The following ABCC12 variants were observed in gnomAD, a reference collection of about 807,000 sequenced individuals.
The protein encoded by ABCC12 is ATP binding cassette subfamily C member 12, also known as ATP-binding cassette sub-family C member 12.
A neutral mutation model predicts 151.1 loss-of-function variants in ABCC12; 142 were observed. That is an observed-to-expected ratio of 0.94 (90% confidence interval 0.82 to 1.08). The LOEUF (loss-of-function observed/expected upper bound fraction) is 1.08. Ranked by LOEUF, ABCC12 falls within the 50% of genes least tolerant of loss-of-function variation. The pLI is 0.00. For synonymous variants in ABCC12, 645 were observed against 646.4 expected, an observed-to-expected ratio of 1.00 and a Z score of 0.03; for missense variants, 1,638 against 1,691.1, an observed-to-expected ratio of 0.97 and a Z score of 0.55.
At chr16:48,096,128 G>T (rs543668108) in intron 24 of ABCC12, among the ~76,000 whole-genome samples, 1 of 152,054 alleles carries the variant, frequency 6.6e-6, no homozygotes, top group African/African-American at 2.4e-5. Context: ...AATCAATGCC[G>T]TATGTTCACC....
Position 48,107,355 on chromosome 16 carries a change from C to T in ABCC12, c.2442G>A (p.Trp814Ter), listed in dbSNP as rs1420297885. ...CCTTGTCCAACCAGAGACCCAGCCA[C>T]CAGTTGCTGAAGGCAGCGCTGCCAA... is the stretch of plus-strand genomic sequence containing the variant. ...LMIGSAAFSN[W>*]WLGLWLDKGS... The change falls in exon 20 of 31, where the codon TGG becomes TGA. Residue 814 changes from tryptophan to a stop codon, truncating the protein, a stop_gained. Transcript: ENST00000311303. LOFTEE classifies it high-confidence loss of function. 2.5e-6 allele frequency: 4 copies of T among 1,614,146 alleles called. No individual in the cohort carries two copies. The highest frequency in any genetic ancestry group is 2.2e-5 in the East Asian group (1 of 44,864).
chr16:48,140,028 C>CT (rs1046319456), intron 6 of ABCC12, among the ~76,000 whole-genome samples: 2 of 152,082 alleles, frequency 1.3e-5, no homozygotes, highest in South Asian at 2.1e-4. Flanking sequence ...AAATTAATTA[C>CT]TTTTTTTTAA....
chr16:48,148,485 C>A (rs376923643), intron 2 of ABCC12, among the ~76,000 whole-genome samples: 2 of 151,478 alleles, frequency 1.3e-5, no homozygotes, highest in African/African-American at 4.8e-5. Flanking sequence ...AATCTGCCTG[C>A]TTCAGCCTCC....
chr16:48,088,380 A>G (rs898180133), intron 26 of ABCC12, among the ~76,000 whole-genome samples, 165 bp downstream of exon 26: 1 of 152,202 alleles, frequency 6.6e-6, no homozygotes, highest in Non-Finnish European at 1.5e-5. Flanking sequence ...CCATCTCTAC[A>G]CACCCATTCA....
rs992879274 is a variant in ABCC12, at chr16:48,082,878, T to A, written c.*837A>T. The A allele has an allele frequency of 3.3e-5, 5 of 152,232 alleles. No individual in the cohort carries two copies. In the East Asian group the frequency reaches 9.6e-4, roughly 29 times the overall value. The allele number at this position is 152,232 out of a possible 1,614,324, so 9.4% of individuals were successfully genotyped here. ...CACTCCTGGGGCTGCTGGGAATACA[T>A]CTTTACTGCTTCCATCAGAACCAGC... On this transcript the variant is annotated 3_prime_UTR_variant, in exon 31 of 31. Coordinates refer to ENST00000311303, the MANE Select transcript of ABCC12 (RefSeq NM_001393797.1).
intron 15 of ABCC12, 68 bp from the exon 16 acceptor site, chr16:48,111,978 AACCTTAGTTACC>A (rs1248143845): frequency 2.6e-6 from 4 of 1,558,398 alleles, no homozygotes; most frequent in Non-Finnish European, 3.5e-6. Context: ...ACTCCTCTCC[AACCTTAGTTACC>A]ACTGTTGACT....
intron 24 of ABCC12, among the ~76,000 whole-genome samples, chr16:48,092,929 G>C (rs937256926): frequency 6.6e-6 from 1 of 152,202 alleles, no homozygotes; most frequent in Non-Finnish European, 1.5e-5. Context: ...GCAGGCGCGT[G>C]ACGTGGAGAA....
At chr16:48,124,164 C>A (rs774852227) in intron 12 of ABCC12, 49 bp downstream of exon 12, 16 of 1,586,910 alleles carry the variant, frequency 1.0e-5, no homozygotes, top group Non-Finnish European at 1.4e-5. Flanking sequence ...GGAGCCATTT[C>A]ATTGTCATGT....
At chr16:48,093,542 T>G (rs1282320033) in intron 24 of ABCC12, among the ~76,000 whole-genome samples, 2 of 152,198 alleles carry the variant, frequency 1.3e-5, no homozygotes, top group Non-Finnish European at 2.9e-5. Context: ...TTAAACACCT[T>G]CTGAGCTTCT....
At chr16:48,144,105 G>T (rs775909620) in intron 3 of ABCC12, 40 bp from the exon 4 acceptor site, 2 of 1,583,904 alleles carry the variant, frequency 1.3e-6, no homozygotes, top group Non-Finnish European at 1.7e-6. Context: ...AGGCACTGGG[G>T]TCATTGCCCC....
At chr16:48,104,995 G>C in intron 21 of ABCC12, 144 bp downstream of exon 21, 1 of 892,884 alleles carries the variant, frequency 1.1e-6, no homozygotes, top group Non-Finnish European at 1.7e-6. Flanking sequence ...TAGCTATTTG[G>C]GAGACTCTTC....
rs148168739 is a variant in ABCC12, at chr16:48,083,787, G to A, written c.4008C>T (p.Asp1336=). Residue 1336 remains aspartate, a synonymous_variant, in exon 31 of 31, where the codon GAC becomes GAT. Coordinates refer to ENST00000311303, the MANE Select transcript of ABCC12 (RefSeq NM_001393797.1). ...VMENGKVIEF[D]KPEVLAEKPD... is the part of the protein sequence containing the mutation. The stretch of plus-strand genomic sequence containing the variant: ...GCTTCTCTGCAAGGACTTCAGGCTT[G>A]TCAAACTCAATCACCTGAAAGTCAG... 14 of 1,614,070 alleles carry A rather than the reference G, an allele frequency of 8.7e-6. No homozygotes were observed. The African/African-American group carries it at 1.9e-4, about 22-fold the overall frequency.
chr16:48,095,758 G>A (rs1420122799), intron 24 of ABCC12, among the ~76,000 whole-genome samples: 2 of 150,558 alleles, frequency 1.3e-5, no homozygotes, highest in African/African-American at 4.9e-5. Context: ...GGAGAAAAAG[G>A]AGAAATGTTT....
chr16:48,104,985 T>C (rs967764168), intron 21 of ABCC12, among the ~76,000 whole-genome samples, 154 bp downstream of exon 21: 2 of 152,154 alleles, frequency 1.3e-5, no homozygotes, highest in African/African-American at 2.4e-5. Context: ...AGTTGGTAAT[T>C]AGCTATTTGG....
chr16:48,140,891 C>G lies in ABCC12; in HGVS notation c.453G>C (p.Gln151His). Reference protein sequence around the residue: ...PTVLIHQILQQTERTSGKVWV... With the variant: ...PTVLIHQILQHTERTSGKVWV... Reference sequence around the variant, plus strand: ...AGACTTTCCCAGAGGTCCTCTCAGTCTGCTGGAGGATTTGGTGAATGAGAA... The same window carrying G: ...AGACTTTCCCAGAGGTCCTCTCAGTGTGCTGGAGGATTTGGTGAATGAGAA... The change falls in exon 6 of 31, where the codon CAG becomes CAC. Residue 151 changes from glutamine to histidine, a missense_variant. By Grantham distance (24) the Gln-to-His change is conservative (BLOSUM62 0). Coordinates refer to ENST00000311303, the MANE Select transcript of ABCC12 (RefSeq NM_001393797.1). 1 of 1,614,050 alleles carries G rather than the reference C, an allele frequency of 6.2e-7. No homozygotes were observed. The highest frequency in any genetic ancestry group is 8.5e-7 in the Non-Finnish European group (1 of 1,180,004).
chr16:48,120,910 A>G (rs986739380), intron 13 of ABCC12, among the ~76,000 whole-genome samples: 2 of 152,216 alleles, frequency 1.3e-5, no homozygotes, highest in African/African-American at 4.8e-5. Flanking sequence ...CTGTCTGTTC[A>G]TTACATACTA....
At chr16:48,125,667 G>A (rs544806898) in intron 11 of ABCC12, among the ~76,000 whole-genome samples, 2 of 152,312 alleles carry the variant, frequency 1.3e-5, no homozygotes, top group South Asian at 4.1e-4. Flanking sequence ...ACATTCTCAT[G>A]TAGGCCTGCT....
chr16:48,141,569 C>T (rs1021807820), intron 4 of ABCC12, among the ~76,000 whole-genome samples: 1 of 152,180 alleles, frequency 6.6e-6, no homozygotes, highest in Non-Finnish European at 1.5e-5. Flanking sequence ...ATGCCTGTGA[C>T]ATCTGGGTCC....
Position 48,115,297 on chromosome 16 carries a change from C to G in ABCC12, c.1989+118G>C, listed in dbSNP as rs1216494362. Reference sequence around the variant, plus strand: ...ATGAGTGTCTCTTGCATCCCTGGCTCCCTCCCCACATTCCCAGCTGAAGAC... The same window carrying G: ...ATGAGTGTCTCTTGCATCCCTGGCTGCCTCCCCACATTCCCAGCTGAAGAC... On this transcript the variant is annotated intron_variant, in intron 15 of 30. Coordinates refer to ENST00000311303, the MANE Select transcript of ABCC12 (RefSeq NM_001393797.1). 8 of 1,209,508 alleles carry G rather than the reference C, an allele frequency of 6.6e-6. No individual in the cohort carries two copies. In the East Asian group the frequency reaches 1.9e-4, roughly 28 times the overall value. 74.9% of individuals were successfully genotyped at this position (1,209,508 alleles called of 1,614,324 possible). A position where few individuals can be genotyped will look rare whatever the true frequency, so the allele number is the denominator to read the frequency against.
Sources: gnomAD v4.1 joint callset for allele counts (sites outside exome capture counted in the v4.1 genomes callset) on GRCh38, gnomAD v4.1.1 for gene constraint, MANE v1.5 for transcripts, NCBI Gene and HGNC (gene_info 2026-07-23, HGNC 2026-07-21) for gene names.